Variants in XRN2 observed in about 807,000 individuals in gnomAD.
XRN2 encodes 5'-3' exoribonuclease 2.
In XRN2, 44 loss-of-function variants were observed where a neutral mutation model predicts 138.5. The observed-to-expected ratio is 0.32, with a 90% confidence interval of 0.25 to 0.41. The LOEUF is 0.41. Among genes scored for constraint, XRN2 ranks in the 10% least tolerant of loss-of-function variants. XRN2 has a pLI of 1.00. For synonymous variants in XRN2, 354 were observed against 369.4 expected (o/e 0.96, Z 0.48); for missense variants, 937 against 1,169.3 (o/e 0.80, Z 2.90).
chr20:21,374,775 TG>T (rs2038799827), intron 27 of XRN2, among the ~76,000 whole-genome samples: 1 of 151,984 alleles, frequency 6.6e-6, no homozygotes, highest in African/African-American at 2.4e-5. Flanking sequence ...TTGGACGTTC[TG>T]GGGTAGGGTT....
chr20:21,351,084 T>C (rs897025664), intron 20 of XRN2, among the ~76,000 whole-genome samples: 3 of 152,034 alleles, frequency 2.0e-5, no homozygotes, highest in Non-Finnish European at 2.9e-5. Flanking sequence ...ATTAAATCGT[T>C]GTCTGGGTTT....
At chr20:21,340,639 T>C in intron 14 of XRN2, 82 bp from the exon 15 acceptor site, 1 of 1,506,394 alleles carries the variant, frequency 6.6e-7, no homozygotes, top group Non-Finnish European at 9.0e-7. Context: ...TTGGACTTTA[T>C]TCCATTGCCC....
intron 1 of XRN2, among the ~76,000 whole-genome samples, chr20:21,315,674 G>A (rs1445971186): frequency 6.6e-6 from 1 of 151,870 alleles, no homozygotes; most frequent in Non-Finnish European, 1.5e-5. Flanking sequence ...TTGTATTTTG[G>A]GTTGAGACAG....
intron 3 of XRN2, among the ~76,000 whole-genome samples, chr20:21,328,340 G>A (rs1410288098): frequency 1.3e-5 from 2 of 152,182 alleles, no homozygotes; most frequent in Non-Finnish European, 2.9e-5. Context: ...TCCATTTGAC[G>A]TGGCACTCAT....
intron 27 of XRN2, among the ~76,000 whole-genome samples, chr20:21,374,931 G>C (rs867145200): frequency 6.7e-6 from 1 of 148,574 alleles, no homozygotes; most frequent in Non-Finnish European, 1.5e-5. Context: ...TTATGAAAAG[G>C]TTTTCAATTA....
At chr20:21,378,090 T>A (rs1415670344) in intron 27 of XRN2, among the ~76,000 whole-genome samples, 7 of 152,360 alleles carry the variant, frequency 4.6e-5, no homozygotes, top group African/African-American at 1.7e-4. Context: ...ATTATCCTTT[T>A]AAAAAGAGCA....
At chr20:21,348,722 C>T (rs968127484) in intron 19 of XRN2, among the ~76,000 whole-genome samples, 9 of 152,134 alleles carry the variant, frequency 5.9e-5, no homozygotes, top group Non-Finnish European at 1.3e-4. Context: ...CGGCTCACTA[C>T]AAGCTCTGCC....
chr20:21,336,335 G>A (rs117148301), intron 13 of XRN2, among the ~76,000 whole-genome samples: 2,319 of 152,154 alleles, frequency 0.015, 22 homozygotes, highest in South Asian at 0.033. Flanking sequence ...GGTGGTGGGC[G>A]CCTATAATCC....
In XRN2 at chr20:21,348,093, TTCA is replaced by T. The variant is rs1168714208; in HGVS notation, c.1666-48_1666-46del. 7.3e-6 allele frequency: 11 copies of T among 1,505,614 alleles called. 1 individual carries two copies. The East Asian group carries it at 9.1e-5, about 12-fold the overall frequency. The allele number at this position is 1,505,614 out of a possible 1,614,324, so 93.3% of individuals were successfully genotyped here. A position where few individuals can be genotyped will look rare whatever the true frequency, so the allele number is the denominator to read the frequency against. On this transcript the variant is annotated intron_variant, in intron 17 of 29. Transcript: ENST00000377191. ...CTAATTTTTGTTTTTTTTAATTGTG[TTCA>T]TCATTAACATAGGTTTTTGATTTTG...
intron 1 of XRN2, among the ~76,000 whole-genome samples, chr20:21,320,676 C>T (rs1180608589): frequency 2.0e-5 from 3 of 150,952 alleles, no homozygotes; most frequent in African/African-American, 7.3e-5. Flanking sequence ...CTCACTGTAA[C>T]CTCCATCTCC....
At chr20:21,319,473 T>C (rs1297707121) in intron 1 of XRN2, among the ~76,000 whole-genome samples, 2 of 152,152 alleles carry the variant, frequency 1.3e-5, no homozygotes, top group African/African-American at 4.8e-5. Context: ...TCTTTTGCAA[T>C]GAGAGGATAT....
chr20:21,365,378 C>T, intron 24 of XRN2, 43 bp from the exon 25 acceptor site: 1 of 1,583,378 alleles, frequency 6.3e-7, no homozygotes, highest in Non-Finnish European at 8.6e-7. Flanking sequence ...ATAAGACAGG[C>T]TGATATAATC....
chr20:21,320,640 G>C (rs1257540317), intron 1 of XRN2, among the ~76,000 whole-genome samples: 1 of 151,898 alleles, frequency 6.6e-6, no homozygotes, highest in Non-Finnish European at 1.5e-5. Context: ...TGTCACCCAG[G>C]TTGGAGTGCA....
intron 3 of XRN2, among the ~76,000 whole-genome samples, chr20:21,327,489 A>C (rs562503802): frequency 6.6e-6 from 1 of 152,336 alleles, no homozygotes; most frequent in East Asian, 1.9e-4. Context: ...CGTCTTACTC[A>C]GTGAAAAACC....
chr20:21,338,195 CCT>C (rs2038322141), intron 13 of XRN2, among the ~76,000 whole-genome samples: 1 of 152,078 alleles, frequency 6.6e-6, no homozygotes, highest in Non-Finnish European at 1.5e-5. Flanking sequence ...TCCACTGGCC[CCT>C]GTTTTAGGCT....
At chr20:21,304,053 C>G (rs2037780377) in intron 1 of XRN2, among the ~76,000 whole-genome samples, 1 of 152,208 alleles carries the variant, frequency 6.6e-6, no homozygotes, top group Admixed American at 6.5e-5. Context: ...CTATAGAATT[C>G]TGAGAAGTTA....
At chr20:21,379,331 A>G (rs942324826) in intron 27 of XRN2, among the ~76,000 whole-genome samples, 2 of 152,154 alleles carry the variant, frequency 1.3e-5, no homozygotes, top group Non-Finnish European at 2.9e-5. Flanking sequence ...CATCTACTTC[A>G]TTACAGATCA....
Position 21,357,808 on chromosome 20 carries a change from T to G in XRN2, c.2255+16T>G. ...CTGTAGTCAGGTAAGTTTTCCAAAATTCATGGCATTCACCCAGAACACAGC... is the reference window on the plus strand; with the variant it reads ...CTGTAGTCAGGTAAGTTTTCCAAAAGTCATGGCATTCACCCAGAACACAGC... On this transcript the variant is annotated intron_variant, in intron 24 of 29. Coordinates refer to ENST00000377191, the MANE Select transcript of XRN2 (RefSeq NM_012255.5). 6.3e-7 allele frequency: 1 copy of G among 1,596,064 alleles called. No individual in the cohort carries two copies. The highest frequency in any genetic ancestry group is 2.3e-5 in the East Asian group (1 of 44,372).
Position 21,332,440 on chromosome 20 carries a change from G to T in XRN2, c.858G>T (p.Lys286Asn). The T allele has an allele frequency of 6.3e-7, 1 of 1,591,554 alleles. No homozygotes were observed. The highest frequency in any genetic ancestry group is 1.1e-5 in the South Asian group (1 of 87,414). Residue 286 changes from lysine to asparagine, a missense_variant and splice_region_variant, in exon 9 of 30, where the codon AAG becomes AAT. By Grantham distance (94) the Lys-to-Asn change is moderately conservative. Around this residue, in one of 6 missense-constraint regions of XRN2, gnomAD observed 471 missense variants for 581.2 expected, o/e 0.81. Transcript: ENST00000377191. ...CEGLPREKKG[K>N]HDELADSLPC... is the part of the protein sequence containing the mutation. Reference sequence around the variant, plus strand: ...GTTTGCCAAGAGAAAAGAAGGGAAAGGTAAGAACTTTGAGATGGTAGTTGC... The same window carrying T: ...GTTTGCCAAGAGAAAAGAAGGGAAATGTAAGAACTTTGAGATGGTAGTTGC...
Sources: gnomAD v4.1 joint callset for allele counts (sites outside exome capture counted in the v4.1 genomes callset) on GRCh38, gnomAD v4.1.1 for gene constraint, gnomAD v4.1.1 regional missense constraint, MANE v1.5 for transcripts, NCBI Gene and HGNC (gene_info 2026-07-23, HGNC 2026-07-21) for gene names.